SERPINB9: variants seen among roughly 807,000 people sequenced by gnomAD.
The protein encoded by SERPINB9 is serpin family B member 9.
SERPINB9 carries 20 observed loss-of-function variants against 27.2 expected under a neutral mutation model. The observed-to-expected ratio is 0.74, with a 90% CI of 0.52 to 1.07. SERPINB9 has a LOEUF of 1.07. Ranked by LOEUF, SERPINB9 falls within the 50% of genes least tolerant of loss-of-function variation. SERPINB9 has a pLI of 0.00. For missense variants in SERPINB9, 476 were observed against 460.1 expected (o/e 1.03, Z -0.32); for synonymous variants, 189 against 180.0 (o/e 1.05, Z -0.40).
chr6:2,896,753 A>G (rs1768013329), intron 2 of SERPINB9, among the ~76,000 whole-genome samples: 1 of 152,274 alleles, frequency 6.6e-6, no homozygotes, highest in Non-Finnish European at 1.5e-5. Context: ...AAAAATCAGC[A>G]TTATAAATAA....
intron 1 of SERPINB9, among the ~76,000 whole-genome samples, chr6:2,900,885 T>TCA (rs5742054): frequency 0.032 from 4,498 of 141,554 alleles, 107 homozygotes; most frequent in Non-Finnish European, 0.041. Flanking sequence ...GCTCGCTCTC[T>TCA]CACACACACA....
chr6:2,896,397 G>A (rs1243817269), intron 2 of SERPINB9, among the ~76,000 whole-genome samples: 1 of 151,764 alleles, frequency 6.6e-6, no homozygotes, highest in African/African-American at 2.4e-5. Flanking sequence ...TGCATCAAAA[G>A]GAAAATATAA....
At position 2,894,948 on chromosome 6, in the gene SERPINB9, G is replaced by T. The variant is rs942364563; in HGVS notation, c.424+443C>A. On this transcript the variant is annotated intron_variant, in intron 4 of 6. Coordinates refer to ENST00000380698, the MANE Select transcript of SERPINB9 (RefSeq NM_004155.6). This position sits in a 1 kb window ranked among gnomAD's most constrained non-coding sequence, Gnocchi z 4.7. Reference sequence around the variant, plus strand: ...TTAGTAGAGATGTTGGGCGGGGGGGGGTCCCACCATGTTGGTCAGGCTGGT... The same window carrying T: ...TTAGTAGAGATGTTGGGCGGGGGGGTGTCCCACCATGTTGGTCAGGCTGGT... 6.0e-5 allele frequency among the ~76,000 whole-genome samples: 9 copies of T among 150,814 alleles called. No individual in the cohort carries two copies. Among genetic ancestry groups the T allele is most frequent in the African/African-American group, 1.5e-4 (6 of 40,658 alleles).
chr6:2,889,959 G>A lies in SERPINB9; in HGVS notation c.*204C>T. 1 of 481,958 alleles carries A rather than the reference G, an allele frequency of 2.1e-6. No individual in the cohort carries two copies. The highest frequency in any genetic ancestry group is 3.7e-6 in the Non-Finnish European group (1 of 273,396). The allele number at this position is 481,958 out of a possible 1,614,324, so 29.9% of individuals were successfully genotyped here. On this transcript the variant is annotated 3_prime_UTR_variant, in exon 7 of 7. Coordinates refer to ENST00000380698, the MANE Select transcript of SERPINB9 (RefSeq NM_004155.6). The stretch of plus-strand genomic sequence containing the variant: ...TTTAATACAACAGGGAATCATTATG[G>A]TCTATTTTCTCAAGATTCTGATTAA...
Position 2,889,862 on chromosome 6 carries a change from G to A in SERPINB9, c.*301C>T. 3.3e-6 allele frequency: 1 copy of A among 306,774 alleles called. No homozygotes were observed. The highest frequency in any genetic ancestry group is 6.1e-6 in the Non-Finnish European group (1 of 163,994). The allele number at this position is 306,774 out of a possible 1,614,324, so 19.0% of individuals were successfully genotyped here. On this transcript the variant is annotated 3_prime_UTR_variant, in exon 7 of 7. Transcript: ENST00000380698. ...ATTCGCAGTGTCAGGAAAGCACAGG[G>A]TCGCCAGAGTGAATTGCATGTGGAA...
At chr6:2,895,221 C>T (rs1043852643) in intron 4 of SERPINB9, among the ~76,000 whole-genome samples, 170 bp downstream of exon 4, 2 of 152,018 alleles carry the variant, frequency 1.3e-5, no homozygotes, top group African/African-American at 4.8e-5. Context: ...TCTGAAACAC[C>T]CGTGAAATTA....
Position 2,890,132 on chromosome 6 carries a change from G to T in SERPINB9, c.*31C>A. 6.3e-7 allele frequency: 1 copy of T among 1,590,290 alleles called. No homozygotes were observed. The highest frequency in any genetic ancestry group is 8.6e-7 in the Non-Finnish European group (1 of 1,165,876). On this transcript the variant is annotated 3_prime_UTR_variant, in exon 7 of 7. Coordinates refer to ENST00000380698, the MANE Select transcript of SERPINB9 (RefSeq NM_004155.6). This position sits in a 1 kb window ranked among gnomAD's most constrained non-coding sequence, Gnocchi z 6.2. ...GGGGATCTGGGGACACAGGAAGAGG[G>T]AAATGGCCGAGTGCACGGTAAGTGC...
At chr6:2,895,932 T>C in intron 3 of SERPINB9, 121 bp downstream of exon 3, 7 of 1,088,860 alleles carry the variant, frequency 6.4e-6, no homozygotes, top group South Asian at 1.8e-5. Context: ...GAAAAAAAAA[T>C]AGTGCAATTT....
Position 2,890,981 on chromosome 6 carries a change from C to G in SERPINB9, c.724-411G>C, listed in dbSNP as rs1767780672. ...GTGTGAGCCACTCCAACAGGATTATCTGTCCCAGGTGAGATTCTGCATAGT... is the reference window on the plus strand; with the variant it reads ...GTGTGAGCCACTCCAACAGGATTATGTGTCCCAGGTGAGATTCTGCATAGT... On this transcript the variant is annotated intron_variant, in intron 6 of 6. Transcript: ENST00000380698. This position sits in a 1 kb window ranked among gnomAD's most constrained non-coding sequence, Gnocchi z 6.2. Among the ~76,000 whole-genome samples the G allele has an allele frequency of 6.6e-6, 1 of 152,208 alleles. No homozygotes were observed. The highest frequency in any genetic ancestry group is 2.1e-4 in the South Asian group (1 of 4,830).
intron 1 of SERPINB9, among the ~76,000 whole-genome samples, chr6:2,901,058 C>T (rs1768185407): frequency 6.6e-6 from 1 of 152,220 alleles, no homozygotes; most frequent in African/African-American, 2.4e-5. Context: ...TTCAACTGGG[C>T]ACCAGCCTGT....
intron 2 of SERPINB9, among the ~76,000 whole-genome samples, 168 bp downstream of exon 2, chr6:2,900,276 C>T (rs994941718): frequency 2.7e-4 from 41 of 152,152 alleles, no homozygotes; most frequent in African/African-American, 8.9e-4. Context: ...GCCTCCCTGC[C>T]CTGCCCCACT....
At position 2,894,465 on chromosome 6, in the gene SERPINB9, G is replaced by T. The variant is rs1023309355; in HGVS notation, c.425-912C>A. The stretch of plus-strand genomic sequence containing the variant: ...TGTGGAACTGATCAGCCCTGAGAGA[G>T]GGTCGGCAGTTAACCAATCAAATGT... On this transcript the variant is annotated intron_variant, in intron 4 of 6. Transcript: ENST00000380698. This position sits in a 1 kb window ranked among gnomAD's most constrained non-coding sequence, Gnocchi z 4.7. Among the ~76,000 whole-genome samples, 2 of 152,138 alleles carry T rather than the reference G, an allele frequency of 1.3e-5. No homozygotes were observed. Among genetic ancestry groups the T allele is most frequent in the African/African-American group, 4.8e-5 (2 of 41,428 alleles).
rs1767716588 is a variant in SERPINB9, at chr6:2,889,649, CG to C, written c.*513del. ...GGCGGAGCTTGCAGTGAGCCGAGAT[CG>C]AGCCACTGCACTCCAGCCTGGGCGA... On this transcript the variant is annotated 3_prime_UTR_variant, in exon 7 of 7. Coordinates refer to ENST00000380698, the MANE Select transcript of SERPINB9 (RefSeq NM_004155.6). 1.4e-5 allele frequency: 2 copies of C among 146,346 alleles called. No homozygotes were observed. The highest frequency in any genetic ancestry group is 5.1e-5 in the African/African-American group (2 of 39,234). 9.1% of individuals were successfully genotyped at this position (146,346 alleles called of 1,614,324 possible).
chr6:2,895,281 T>G, intron 4 of SERPINB9, 110 bp downstream of exon 4: 2 of 679,726 alleles, frequency 2.9e-6, no homozygotes, highest in Non-Finnish European at 5.2e-6. Context: ...GGAGGAGGGA[T>G]AGGAGGGAGA....
intron 1 of SERPINB9, among the ~76,000 whole-genome samples, chr6:2,900,885 T>TCTCTCTCTCTCACACACACACACACACA (rs61100591): frequency 3.3e-4 from 47 of 141,572 alleles, no homozygotes; most frequent in African/African-American, 1.3e-3. Context: ...GCTCGCTCTC[T>TCTCTCTCTCTCACACACACACACACACA]CACACACACA....
At chr6:2,900,733 G>A (rs1482767909) in intron 1 of SERPINB9, 112 bp from the exon 2 acceptor site, 18 of 977,694 alleles carry the variant, frequency 1.8e-5, no homozygotes, top group South Asian at 6.7e-5. Flanking sequence ...CTTAAAGTTC[G>A]TAAGTATTTT....
At position 2,891,977 on chromosome 6, in the gene SERPINB9, C is replaced by G. The variant is rs372982077; in HGVS notation, c.579G>C (p.Arg193Ser). 2.2e-5 allele frequency: 36 copies of G among 1,613,412 alleles called. No individual in the cohort carries two copies. The highest frequency in any genetic ancestry group is 3.1e-5 in the Non-Finnish European group (36 of 1,179,926). Reference protein sequence around the residue: ...MPFKINQEEQRPVQMMYQEAT... With the variant: ...MPFKINQEEQSPVQMMYQEAT... The stretch of plus-strand genomic sequence containing the variant: ...CCTCCTGATACATCATCTGCACTGG[C>G]CTTTGCTCCTCCTGGGGGAAGGATT... Residue 193 changes from arginine (R) to serine (S), a missense_variant, in exon 6 of 7, where the codon AGG (arginine) becomes AGC (serine). By Grantham distance (110) the Arg-to-Ser change is moderately radical. Coordinates refer to ENST00000380698, the MANE Select transcript of SERPINB9 (RefSeq NM_004155.6). This position sits in a 1 kb window ranked among gnomAD's most constrained non-coding sequence, Gnocchi z 4.0.
In SERPINB9 at chr6:2,888,384, C is replaced by G. The variant is rs182210549; in HGVS notation, c.*1779G>C. The G allele has an allele frequency of 9.2e-5, 14 of 152,266 alleles. No homozygotes were observed. The highest frequency in any genetic ancestry group is 6.5e-4 in the Admixed American group (10 of 15,284). 9.4% of individuals were successfully genotyped at this position (152,266 alleles called of 1,614,324 possible). A position where few individuals can be genotyped will look rare whatever the true frequency, so the allele number is the denominator to read the frequency against. ...AGGCATTCAAACAAATACAGGTACA[C>G]AAACATTCATAGCAGCACTATTCCC... is the stretch of plus-strand genomic sequence containing the variant. On this transcript the variant is annotated 3_prime_UTR_variant, in exon 7 of 7. Coordinates refer to ENST00000380698, the MANE Select transcript of SERPINB9 (RefSeq NM_004155.6).
At position 2,891,440 on chromosome 6, in the gene SERPINB9, T is replaced by C. The variant is rs949617654; in HGVS notation, c.723+393A>G. ...CAGGCAATGTGGTAAGCTTGTTACC[T>C]GAATTACCCACATTTTATCCTCATC... On this transcript the variant is annotated intron_variant, in intron 6 of 6. Transcript: ENST00000380698. This position sits in a 1 kb window ranked among gnomAD's most constrained non-coding sequence, Gnocchi z 4.0. Among the ~76,000 whole-genome samples the C allele has an allele frequency of 2.0e-5, 3 of 152,216 alleles. No individual in the cohort carries two copies. Among genetic ancestry groups the C allele is most frequent in the East Asian group, 1.9e-4 (1 of 5,200 alleles).
Sources: gnomAD v4.1 joint callset for allele counts (sites outside exome capture counted in the v4.1 genomes callset) on GRCh38, gnomAD v4.1.1 for gene constraint, Gnocchi (gnomAD v3.1) non-coding constraint, MANE v1.5 for transcripts, NCBI Gene and HGNC (gene_info 2026-07-23, HGNC 2026-07-21) for gene names.